The following CDH23 variants were observed in gnomAD, a reference collection of about 807,000 sequenced individuals.
CDH23 encodes cadherin related 23.
A neutral mutation model predicts 317.1 loss-of-function variants in CDH23; 189 were observed. The ratio of observed to expected loss-of-function variants is 0.60; its 90% CI spans 0.53 to 0.67. The LOEUF is 0.67. Among genes scored for constraint, CDH23 ranks in the 30% least tolerant of loss-of-function variants. The pLI is 0.00. For synonymous variants in CDH23, 1,839 were observed against 1,876.8 expected, an observed-to-expected ratio of 0.98 and a Z score of 0.52; for missense variants, 4,401 against 4,592.4, an observed-to-expected ratio of 0.96 and a Z score of 1.20.
chr10:71,796,725 T>C (rs886422294), intron 48 of CDH23: 2 of 179,578 alleles, frequency 1.1e-5, no homozygotes, highest in African/African-American at 4.7e-5. Flanking sequence ...AGCTTCTGTG[T>C]GCCACGCACT....
intron 7 of CDH23, 112 bp downstream of exon 7, chr10:71,567,048 TATA>T: frequency 4.2e-6 from 4 of 951,634 alleles, no homozygotes; most frequent in Non-Finnish European, 6.3e-6. Flanking sequence ...CTCGATGATC[TATA>T]ATAATTATAG....
intron 38 of CDH23, among the ~76,000 whole-genome samples, chr10:71,767,574 G>A (rs920943205): frequency 6.6e-6 from 1 of 152,198 alleles, no homozygotes; most frequent in South Asian, 2.1e-4. Context: ...GCTGGGGCTG[G>A]GGCTGTAGGA....
In CDH23 at chr10:71,525,131, T is replaced by C. The variant is rs61226457; in HGVS notation, c.429+13919T>C. On this transcript the variant is annotated intron_variant, in intron 6 of 69. Coordinates refer to ENST00000224721, the MANE Select transcript of CDH23 (RefSeq NM_022124.6). ...CCATTTGGCCAGGCTGGCCTTGAACTACTGACTTCAAGTGATCTGCCCACC... is the reference window on the plus strand; with the variant it reads ...CCATTTGGCCAGGCTGGCCTTGAACCACTGACTTCAAGTGATCTGCCCACC... 3.9e-5 allele frequency among the ~76,000 whole-genome samples: 6 copies of C among 152,302 alleles called. No individual in the cohort carries two copies. In the East Asian group the frequency reaches 9.6e-4, roughly 24 times the overall value.
intron 3 of CDH23, among the ~76,000 whole-genome samples, chr10:71,447,227 A>G (rs531840186): frequency 6.6e-6 from 1 of 152,274 alleles, no homozygotes; most frequent in Admixed American, 6.5e-5. Context: ...AGGGAGCATC[A>G]CTTGAACTTG....
At chr10:71,404,801 G>T (rs1848021275) in intron 1 of CDH23, among the ~76,000 whole-genome samples, 1 of 152,218 alleles carries the variant, frequency 6.6e-6, no homozygotes, top group South Asian at 2.1e-4. Context: ...TCCTGGAGAT[G>T]CATCTTCCTT....
At chr10:71,803,554 T>C in intron 55 of CDH23, 134 bp downstream of exon 55, 1 of 778,562 alleles carries the variant, frequency 1.3e-6, no homozygotes, top group East Asian at 2.7e-5. Flanking sequence ...AAAAAAAACT[T>C]TTTTAATTAA....
intron 9 of CDH23, among the ~76,000 whole-genome samples, chr10:71,585,081 C>T (rs10509336): frequency 0.073 from 11,127 of 152,214 alleles, 424 homozygotes; most frequent in Middle Eastern, 0.12. Flanking sequence ...TGAGGGCGAT[C>T]TGCTAACAGG....
At chr10:71,801,257 C>A (rs1174179751) in intron 53 of CDH23, among the ~76,000 whole-genome samples, 2 of 144,060 alleles carry the variant, frequency 1.4e-5, no homozygotes, top group Non-Finnish European at 3.0e-5. Context: ...CAGGTTCAAG[C>A]AATTCTCCTG....
At chr10:71,462,356 C>T (rs959479327) in intron 3 of CDH23, among the ~76,000 whole-genome samples, 7 of 152,320 alleles carry the variant, frequency 4.6e-5, no homozygotes, top group Admixed American at 2.0e-4. Context: ...CCTCTTCAGG[C>T]GCCCCACCGC....
chr10:71,704,877 T>A, intron 24 of CDH23, 34 bp from the exon 25 acceptor site: 1 of 1,529,800 alleles, frequency 6.5e-7, no homozygotes, highest in East Asian at 2.3e-5. Flanking sequence ...CAGTGTCCCC[T>A]CCCCACCCTC....
chr10:71,491,786 T>C (rs528538001), intron 3 of CDH23, among the ~76,000 whole-genome samples: 2 of 152,148 alleles, frequency 1.3e-5, no homozygotes, highest in Non-Finnish European at 2.9e-5. Flanking sequence ...TGCTCCTGTT[T>C]GTGGGGTGTC....
intron 30 of CDH23, 132 bp downstream of exon 30, chr10:71,725,652 G>A (rs1866778798): frequency 5.4e-6 from 6 of 1,105,848 alleles, no homozygotes; most frequent in Non-Finnish European, 7.6e-6. Context: ...TGACATCTGG[G>A]CCTAAGGGTT....
chr10:71,431,476 AG>A (rs1849368341), intron 1 of CDH23, among the ~76,000 whole-genome samples: 1 of 152,212 alleles, frequency 6.6e-6, no homozygotes, highest in Non-Finnish European at 1.5e-5. Flanking sequence ...GTGACCTACA[AG>A]GGCTTGGCCA....
At chr10:71,432,274 G>A (rs1849409900) in intron 1 of CDH23, among the ~76,000 whole-genome samples, 1 of 107,846 alleles carries the variant, frequency 9.3e-6, no homozygotes, top group African/African-American at 4.2e-5. Context: ...GTGTGTGCAT[G>A]AGTGTGTTTG....
chr10:71,452,876 A>T (rs370698786), intron 3 of CDH23, among the ~76,000 whole-genome samples: 3 of 152,208 alleles, frequency 2.0e-5, no homozygotes, highest in African/African-American at 4.8e-5. Context: ...TGTCCTGGAG[A>T]GATGGCATGA....
rs780337016 is a variant in CDH23 at position 71,799,162 on chromosome 10, A to G, written c.7106A>G (p.Asn2369Ser). The change falls in exon 51 of 70, where the codon AAC becomes AGC. Residue 2369 changes from asparagine to serine, a missense_variant. Coordinates refer to ENST00000224721, the MANE Select transcript of CDH23 (RefSeq NM_022124.6). The stretch of plus-strand genomic sequence containing the variant: ...GACTACGAGGAGGTGCACTGGCTCA[A>G]CTTTACCGTGAGGGCCTCAGACAAC... ...TVDYEEVHWL[N>S]FTVRASDNGS... 1.2e-6 allele frequency: 2 copies of G among 1,614,028 alleles called. No individual in the cohort carries two copies. Among genetic ancestry groups the G allele is most frequent in the Non-Finnish European group, 1.7e-6 (2 of 1,179,874 alleles).
intron 6 of CDH23, among the ~76,000 whole-genome samples, chr10:71,558,528 C>G (rs7073978): frequency 0.61 from 92,868 of 152,118 alleles, 29,250 homozygotes; most frequent in East Asian, 0.87. Context: ...TCTTTCTGAG[C>G]ATATTAAAGA....
At chr10:71,680,554 C>T (rs1459902273) in intron 17 of CDH23, among the ~76,000 whole-genome samples, 4 of 152,004 alleles carry the variant, frequency 2.6e-5, no homozygotes, top group African/African-American at 9.7e-5. Context: ...TTGAGACCAG[C>T]CTGGCCAACA....
intron 3 of CDH23, among the ~76,000 whole-genome samples, chr10:71,447,516 G>A (rs937483988): frequency 1.3e-5 from 2 of 152,066 alleles, no homozygotes; most frequent in Admixed American, 6.5e-5. Context: ...TTTGTTGTGG[G>A]GATTGTCCCC....
Sources: allele counts gnomAD v4.1 joint callset (sites outside exome capture counted in the v4.1 genomes callset), GRCh38; gene constraint gnomAD v4.1.1; transcripts MANE v1.5; gene names NCBI Gene and HGNC (gene_info 2026-07-23, HGNC 2026-07-21).